The following PCDHGA11 variants were observed in gnomAD, a reference collection of about 807,000 sequenced individuals.
The protein encoded by PCDHGA11 is protocadherin gamma-A11.
PCDHGA11 carries 39 observed loss-of-function variants against 60.4 expected under a neutral mutation model. The ratio of observed to expected loss-of-function variants is 0.65; its 90% CI spans 0.50 to 0.84. The LOEUF (loss-of-function observed/expected upper bound fraction) is 0.84, where lower values mean the gene tolerates loss of function less well. Among genes scored for constraint, PCDHGA11 ranks in the 40% least tolerant of loss-of-function variants. PCDHGA11 has a pLI of 0.00. For synonymous variants in PCDHGA11, 533 were observed against 510.3 expected (o/e 1.04, Z -0.60); for missense variants, 1,165 against 1,197.7 (o/e 0.97, Z 0.40).
chr5:141,462,774 A>G (rs890366708), intron 1 of PCDHGA11, among the ~76,000 whole-genome samples: 1 of 152,126 alleles, frequency 6.6e-6, no homozygotes, highest in Admixed American at 6.6e-5. Context: ...GCTTGGGGTC[A>G]TAATTTGTTG....
At chr5:141,492,070 G>T (rs1408035481) in intron 1 of PCDHGA11, 1 of 477,946 alleles carries the variant, frequency 2.1e-6, no homozygotes. Context: ...CCTCCTAGGC[G>T]CCGGCTCCGG....
At chr5:141,427,963 T>C (rs1289642441) in intron 1 of PCDHGA11, 1 of 1,589,380 alleles carries the variant, frequency 6.3e-7, no homozygotes, top group East Asian at 2.2e-5. Flanking sequence ...GTGCCGCGGG[T>C]GCTGTACCCC....
Position 141,422,077 on chromosome 5 carries a change from A to C in PCDHGA11, c.850A>C (p.Asn284His), listed in dbSNP as rs2096622436. The C allele has an allele frequency of 6.2e-7, 1 of 1,612,340 alleles. No homozygotes were observed. The highest frequency in any genetic ancestry group is 1.7e-5 in the Admixed American group (1 of 59,608). ...INGEVMYSFR[N>H]MESKASEIFQ... ...CGGGGAAGTAATGTATTCATTTCGGAACATGGAAAGCAAGGCTTCTGAAAT... is the reference window on the plus strand; with the variant it reads ...CGGGGAAGTAATGTATTCATTTCGGCACATGGAAAGCAAGGCTTCTGAAAT... Residue 284 changes from asparagine to histidine, a missense_variant, in exon 1 of 4, where the codon AAC becomes CAC. By Grantham distance (68) the Asn-to-His change is moderately conservative. Coordinates refer to ENST00000398587, the MANE Select transcript of PCDHGA11 (RefSeq NM_018914.3).
chr5:141,479,606 T>TA (rs1315315740), intron 1 of PCDHGA11: 1 of 152,184 alleles, frequency 6.6e-6, no homozygotes, highest in Non-Finnish European at 1.5e-5. Context: ...GCCTAGGCAA[T>TA]ATAGGGAAAC....
chr5:141,454,493 A>G (rs1328573277), intron 1 of PCDHGA11, among the ~76,000 whole-genome samples: 1 of 151,866 alleles, frequency 6.6e-6, no homozygotes, highest in Non-Finnish European at 1.5e-5. Context: ...CGCAACCTCC[A>G]CCTCCTGGAT....
At chr5:141,430,782 G>A (rs1220976669) in intron 1 of PCDHGA11, 2 of 1,510,858 alleles carry the variant, frequency 1.3e-6, no homozygotes, top group Non-Finnish European at 1.8e-6. Flanking sequence ...CGACTGCACC[G>A]GGACTACAAA....
intron 1 of PCDHGA11, among the ~76,000 whole-genome samples, chr5:141,468,000 C>G (rs1429450909): frequency 6.6e-6 from 1 of 152,028 alleles, no homozygotes; most frequent in East Asian, 1.9e-4. Flanking sequence ...ATTCTTTCTT[C>G]CTCTGTTATA....
Position 141,491,819 on chromosome 5 carries a change from G to C in PCDHGA11, c.2434-2988G>C. The C allele has an allele frequency of 6.7e-7, 1 of 1,482,028 alleles. No individual in the cohort carries two copies. Among genetic ancestry groups the C allele is most frequent in the Non-Finnish European group, 9.0e-7 (1 of 1,116,648 alleles). The allele number at this position is 1,482,028 out of a possible 1,614,324, so 91.8% of individuals were successfully genotyped here. A position where few individuals can be genotyped will look rare whatever the true frequency, so the allele number is the denominator to read the frequency against. On this transcript the variant is annotated intron_variant, in intron 1 of 3. Transcript: ENST00000398587. This position sits in a 1 kb window ranked among gnomAD's most constrained non-coding sequence, Gnocchi z 6.9. ...TCCGGCCGGCTTGGTCGCTGGCTGCGCTCCACCCGATTCTCGGGATCATTG... is the reference window on the plus strand; with the variant it reads ...TCCGGCCGGCTTGGTCGCTGGCTGCCCTCCACCCGATTCTCGGGATCATTG...
At chr5:141,435,954 G>A (rs1163590812) in intron 1 of PCDHGA11, among the ~76,000 whole-genome samples, 2 of 152,092 alleles carry the variant, frequency 1.3e-5, no homozygotes, top group African/African-American at 2.4e-5. Flanking sequence ...AAAAAAGGGG[G>A]CAAAATATAG....
chr5:141,449,630 T>G (rs1006977026), intron 1 of PCDHGA11, among the ~76,000 whole-genome samples: 2 of 150,024 alleles, frequency 1.3e-5, no homozygotes, highest in Non-Finnish European at 3.0e-5. Flanking sequence ...TTTAAAAAGA[T>G]GTATCTATAT....
rs914637211 is a variant in PCDHGA11, at chr5:141,422,245, G to C, written c.1018G>C (p.Asp340His). The C allele has an allele frequency of 2.2e-5, 34 of 1,566,540 alleles. No individual in the cohort carries two copies. Among genetic ancestry groups the C allele is most frequent in the Non-Finnish European group, 2.8e-5 (32 of 1,162,588 alleles). The change falls in exon 1 of 4, where the codon GAT (aspartate) becomes CAT (histidine). Residue 340 changes from aspartate to histidine, a missense_variant. Coordinates refer to ENST00000398587, the MANE Select transcript of PCDHGA11 (RefSeq NM_018914.3). The part of the protein sequence containing the change: ...TTTTMLITVV[D>H]VNDNAPEITI... ...CACGACGATGTTGATCACTGTTGTG[G>C]ATGTGAATGATAACGCTCCAGAAAT...
At chr5:141,478,169 G>T in intron 1 of PCDHGA11, 1 of 1,613,834 alleles carries the variant, frequency 6.2e-7, no homozygotes, top group Non-Finnish European at 8.5e-7. Flanking sequence ...TGCCCCCCGG[G>T]AGCAGAAAAA....
intron 1 of PCDHGA11, among the ~76,000 whole-genome samples, chr5:141,455,253 C>T (rs187877877): frequency 6.6e-6 from 1 of 151,986 alleles, no homozygotes; most frequent in East Asian, 1.9e-4. Flanking sequence ...ATAGTACAAT[C>T]GCATTTCTTC....
At chr5:141,451,535 A>G (rs150174911) in intron 1 of PCDHGA11, among the ~76,000 whole-genome samples, 2 of 152,328 alleles carry the variant, frequency 1.3e-5, no homozygotes, top group Non-Finnish European at 2.9e-5. Flanking sequence ...GGAGAGTGCC[A>G]GAGAGGGCAA....
Position 141,421,331 on chromosome 5 carries a change from C to T in PCDHGA11, c.104C>T (p.Ser35Leu). The T allele has an allele frequency of 1.2e-6, 2 of 1,613,856 alleles. No homozygotes were observed. Among genetic ancestry groups the T allele is most frequent in the East Asian group, 2.2e-5 (1 of 44,876 alleles). Residue 35 changes from serine (S) to leucine (L), a missense_variant, in exon 1 of 4, where the codon TCG becomes TTG. By Grantham distance (145) the Ser-to-Leu change is moderately radical. Transcript: ENST00000398587. ...RGFRARQIRYSVPEETEKGSF... is the reference protein window; with the variant it reads ...RGFRARQIRYLVPEETEKGSF... ...TTCCGGGCCAGGCAGATCCGATATT[C>T]GGTGCCAGAAGAGACCGAAAAGGGC...
intron 1 of PCDHGA11, chr5:141,426,693 A>C (rs62378458): frequency 0.034 from 14,964 of 435,892 alleles, 320 homozygotes; most frequent in Middle Eastern, 0.11. Flanking sequence ...CCAAAATAGC[A>C]TTGTTTTACA....
chr5:141,490,045 C>T lies in PCDHGA11; in HGVS notation c.2434-4762C>T, dbSNP rs530803072. On this transcript the variant is annotated intron_variant, in intron 1 of 3. Transcript: ENST00000398587. The surrounding 1 kb of genome is among the most constrained non-coding windows in gnomAD (Gnocchi z 5.4). ...GCTGCTCCGCCTCAATGCCACTGAT[C>T]CAGACGAGGGCACCAACGGCCAACT... 1.2e-5 allele frequency: 19 copies of T among 1,614,114 alleles called. No individual in the cohort carries two copies. Among genetic ancestry groups the T allele is most frequent in the Admixed American group, 1.2e-4 (7 of 60,014 alleles).
chr5:141,458,509 CTTTGT>C (rs1181745590), intron 1 of PCDHGA11, among the ~76,000 whole-genome samples: 1 of 149,986 alleles, frequency 6.7e-6, no homozygotes, highest in Non-Finnish European at 1.5e-5. Context: ...CTGTTTGACA[CTTTGT>C]TTTTTTTTTT....
At chr5:141,424,610 ATAGAG>A (rs1374272828) in intron 1 of PCDHGA11, 2 of 152,216 alleles carry the variant, frequency 1.3e-5, no homozygotes, top group African/African-American at 4.8e-5. Flanking sequence ...ATTTATTCAA[ATAGAG>A]TAGTTTGTGA....
Sources: gnomAD v4.1 joint callset for allele counts (sites outside exome capture counted in the v4.1 genomes callset) on GRCh38, gnomAD v4.1.1 for gene constraint, Gnocchi (gnomAD v3.1) non-coding constraint, MANE v1.5 for transcripts, NCBI Gene and HGNC (gene_info 2026-07-23, HGNC 2026-07-21) for gene names.